Variants in ITPR1 observed in about 807,000 individuals in gnomAD.
ITPR1 encodes the protein inositol 1,4,5-trisphosphate receptor type 1, also known as inositol 1,4,5-trisphosphate-gated calcium channel ITPR1.
ITPR1 carries 96 observed loss-of-function variants against 318.4 expected under a neutral mutation model. The ratio of observed to expected loss-of-function variants is 0.30; its 90% CI spans 0.26 to 0.36. ITPR1 has a LOEUF of 0.36. ITPR1 is among the 10% of genes least tolerant of loss of function. The pLI, the probability that ITPR1 is intolerant of heterozygous loss-of-function variation, is 1.00. For synonymous variants in ITPR1, 1,312 were observed against 1,289.9 expected (o/e 1.02, Z -0.37); for missense variants, 2,440 against 3,460.2 (o/e 0.71, Z 7.40).
chr3:4,749,447 A>G (rs2044340000), intron 44 of ITPR1: 1 of 152,184 alleles, frequency 6.6e-6, no homozygotes, highest in Admixed American at 6.5e-5. Context: ...TGTTTTGCTG[A>G]TACATAATAC....
chr3:4,652,039 G>T, intron 10 of ITPR1, 84 bp from the exon 11 acceptor site: 2 of 1,050,982 alleles, frequency 1.9e-6, no homozygotes, highest in South Asian at 1.4e-5. Flanking sequence ...CATCCCTCCT[G>T]AACTATGACT....
chr3:4,632,857 T>C (rs947790340), intron 5 of ITPR1, among the ~76,000 whole-genome samples: 1 of 151,702 alleles, frequency 6.6e-6, no homozygotes, highest in African/African-American at 2.4e-5. Context: ...TCATGCTGTT[T>C]ATGTTTTTAA....
chr3:4,780,216 ACACC>A (rs2046740207), intron 49 of ITPR1, among the ~76,000 whole-genome samples: 1 of 152,156 alleles, frequency 6.6e-6, no homozygotes, highest in South Asian at 2.1e-4. Context: ...AGCACCTGAT[ACACC>A]CTTAATGAAC....
intron 60 of ITPR1, among the ~76,000 whole-genome samples, chr3:4,823,966 T>A (rs2049897723): frequency 6.6e-6 from 1 of 152,200 alleles, no homozygotes. Context: ...ATAACTCTTA[T>A]ATTTTCGGAG....
chr3:4,561,679 T>A (rs2086690378), intron 4 of ITPR1, among the ~76,000 whole-genome samples: 1 of 152,168 alleles, frequency 6.6e-6, no homozygotes, highest in Non-Finnish European at 1.5e-5. Context: ...GGGGACTTCT[T>A]TATTATTTTT....
In ITPR1 at chr3:4,674,199, C is replaced by T. The variant is rs1236167731; in HGVS notation, c.2457-3C>T. 6.5e-7 allele frequency: 1 copy of T among 1,536,232 alleles called. No homozygotes were observed. Among genetic ancestry groups the T allele is most frequent in the Non-Finnish European group, 8.7e-7 (1 of 1,142,998 alleles). ...GTTTCCTTTCTTTCTCCTTTCTTTT[C>T]AGCTATGATAGTAGTGGAGCTTCCA... On this transcript the variant is annotated splice_region_variant and splice_polypyrimidine_tract_variant and intron_variant, in intron 21 of 61. Transcript: ENST00000649015.
intron 41 of ITPR1, among the ~76,000 whole-genome samples, chr3:4,726,645 C>T (rs1296327259): frequency 1.3e-5 from 2 of 152,124 alleles, no homozygotes; most frequent in Non-Finnish European, 2.9e-5. Flanking sequence ...ATTCTGTTAA[C>T]GGTTTTGTTA....
rs1575202188 is a variant in ITPR1, at chr3:4,775,092, G to A, written c.5980-150G>A. 3 of 674,110 alleles carry A rather than the reference G, an allele frequency of 4.5e-6. No individual in the cohort carries two copies. In the East Asian group the frequency reaches 7.7e-5, roughly 17 times the overall value. The allele number at this position is 674,110 out of a possible 1,614,324, so 41.8% of individuals were successfully genotyped here. On this transcript the variant is annotated intron_variant, in intron 46 of 61. Coordinates refer to ENST00000649015, the MANE Select transcript of ITPR1 (RefSeq NM_001378452.1). ...TCCATGGGTTTATCATCATGGTGGT[G>A]GGGGGCATACTGACTCTTCCATGCT...
Position 4,645,477 on chromosome 3 carries a change from T to A in ITPR1, c.708+7T>A, listed in dbSNP as rs2093432551. 1 of 1,610,872 alleles carries A rather than the reference T, an allele frequency of 6.2e-7. No homozygotes were observed. On this transcript the variant is annotated splice_region_variant and intron_variant, in intron 9 of 61. Coordinates refer to ENST00000649015, the MANE Select transcript of ITPR1 (RefSeq NM_001378452.1). ...AGACGACATATTAAAGGGGGTGAGTTTGATGCTTTATGGGCTGAGCATTAC... is the reference window on the plus strand; with the variant it reads ...AGACGACATATTAAAGGGGGTGAGTATGATGCTTTATGGGCTGAGCATTAC...
chr3:4,683,084 C>A (rs2094330314), intron 26 of ITPR1, among the ~76,000 whole-genome samples: 1 of 152,128 alleles, frequency 6.6e-6, no homozygotes, highest in Non-Finnish European at 1.5e-5. Flanking sequence ...GTTCTCAGAC[C>A]ACAGACGAAG....
chr3:4,557,264 G>T (rs1379536365), intron 4 of ITPR1, among the ~76,000 whole-genome samples: 1 of 152,180 alleles, frequency 6.6e-6, no homozygotes. Flanking sequence ...TTACATGGTG[G>T]CAGGCAAGAG....
At chr3:4,809,141 TG>T (rs1286583990) in intron 55 of ITPR1, among the ~76,000 whole-genome samples, 3 of 152,168 alleles carry the variant, frequency 2.0e-5, no homozygotes, top group Non-Finnish European at 4.4e-5. Flanking sequence ...TGGGGTAAAA[TG>T]GGCATGATTC....
intron 4 of ITPR1, among the ~76,000 whole-genome samples, chr3:4,574,592 GT>G (rs1559473082): frequency 6.6e-6 from 1 of 152,216 alleles, no homozygotes; most frequent in African/African-American, 2.4e-5. Context: ...TTAGAATCAT[GT>G]ATAACGGCTT....
chr3:4,846,087 T>C (rs2051757583), intron 61 of ITPR1, 52 bp from the exon 62 acceptor site: 1 of 1,074,794 alleles, frequency 9.3e-7, no homozygotes, highest in Admixed American at 2.3e-5. Flanking sequence ...AGTATGCGAT[T>C]TGACGTACAG....
In ITPR1 at chr3:4,792,421, GT is replaced by G. The variant is rs377104449; in HGVS notation, c.6809-2641del. ...CATGTCGTGACTTAAAACAATAAAT[GT>G]TTATTTCCTCACAGTTTCTTGGGGT... On this transcript the variant is annotated intron_variant, in intron 52 of 61. Coordinates refer to ENST00000649015, the MANE Select transcript of ITPR1 (RefSeq NM_001378452.1). Among the ~76,000 whole-genome samples, 1,149 of 152,276 alleles carry G rather than the reference GT, an allele frequency of 7.5e-3. 3 individuals are homozygous for G. The highest frequency in any genetic ancestry group is 0.012 in the Non-Finnish European group (834 of 68,010).
intron 3 of ITPR1, among the ~76,000 whole-genome samples, chr3:4,517,628 G>A (rs1284036843): frequency 6.6e-6 from 1 of 152,180 alleles, no homozygotes; most frequent in Non-Finnish European, 1.5e-5. Context: ...TGTTTCAAAT[G>A]TCATCCAGTG....
chr3:4,838,913 C>A (rs1369446929), intron 61 of ITPR1, among the ~76,000 whole-genome samples: 1 of 152,218 alleles, frequency 6.6e-6, no homozygotes, highest in Admixed American at 6.5e-5. Context: ...CCTTTCAGAG[C>A]TAAGAATCTG....
intron 53 of ITPR1, chr3:4,800,179 C>CA (rs1349666647): frequency 2.0e-6 from 1 of 499,644 alleles, no homozygotes; most frequent in Non-Finnish European, 3.5e-6. Context: ...GAAGTAATGT[C>CA]AAAGCTAAGA....
At chr3:4,807,169 ACAAAGAGAGG>A (rs2048628808) in intron 55 of ITPR1, among the ~76,000 whole-genome samples, 1 of 26,230 alleles carries the variant, frequency 3.8e-5, no homozygotes, top group South Asian at 1.8e-3. Flanking sequence ...AGGGGGGCTT[ACAAAGAGAGG>A]GGGGCTTACA....
Sources: gnomAD v4.1 joint callset for allele counts (sites outside exome capture counted in the v4.1 genomes callset) on GRCh38, gnomAD v4.1.1 for gene constraint, MANE v1.5 for transcripts, NCBI Gene and HGNC (gene_info 2026-07-23, HGNC 2026-07-21) for gene names.